RORA: variants seen among roughly 807,000 people sequenced by gnomAD.
The protein encoded by RORA is nuclear receptor ROR-alpha.
Under a neutral mutation model 69.5 loss-of-function variants are expected in RORA, and 7 were observed. That is an observed-to-expected ratio of 0.10 (90% CI 0.06 to 0.19). The LOEUF is 0.19. Among genes scored for constraint, RORA ranks in the 10% least tolerant of loss-of-function variants. The probability of loss-of-function intolerance (pLI) is 1.00; values close to 1 mark genes in which losing one functional copy is unlikely to be tolerated. For synonymous variants in RORA, 261 were observed against 240.8 expected (o/e 1.08, Z -0.78); for missense variants, 457 against 663.0 (o/e 0.69, Z 3.41).
chr15:61,141,439 G>A (rs991342560), intron 1 of RORA, among the ~76,000 whole-genome samples: 2 of 152,148 alleles, frequency 1.3e-5, no homozygotes, highest in Non-Finnish European at 2.9e-5. Flanking sequence ...GAGACACCCA[G>A]AGAGCAAAAG....
At chr15:60,518,233 A>G (rs187379601) in intron 3 of RORA, among the ~76,000 whole-genome samples, 5 of 152,358 alleles carry the variant, frequency 3.3e-5, no homozygotes, top group Admixed American at 1.3e-4. Context: ...TGGTTGGGTC[A>G]TTAATGAAAA....
intron 2 of RORA, among the ~76,000 whole-genome samples, chr15:60,662,200 C>A (rs1596106080): frequency 6.6e-6 from 1 of 152,140 alleles, no homozygotes. Context: ...TATGATGGTT[C>A]CCATCTTTGA....
At chr15:60,979,746 G>GTA (rs1030398734) in intron 1 of RORA, among the ~76,000 whole-genome samples, 4 of 151,960 alleles carry the variant, frequency 2.6e-5, no homozygotes, top group African/African-American at 9.7e-5. Context: ...GTGTGTGTGT[G>GTA]TGCACGTGTG....
chr15:60,732,912 T>C (rs1404985956), intron 1 of RORA, among the ~76,000 whole-genome samples: 2 of 152,142 alleles, frequency 1.3e-5, no homozygotes, highest in Non-Finnish European at 2.9e-5. Flanking sequence ...CCATACCCCA[T>C]CATAGTATTT....
chr15:60,900,676 A>G (rs1388539503), intron 1 of RORA, among the ~76,000 whole-genome samples: 3 of 152,118 alleles, frequency 2.0e-5, no homozygotes, highest in Non-Finnish European at 2.9e-5. Context: ...AATCGAGACC[A>G]TCCTGGCCAA....
intron 1 of RORA, among the ~76,000 whole-genome samples, chr15:61,018,632 G>T (rs1895389800): frequency 6.6e-6 from 1 of 152,086 alleles, no homozygotes; most frequent in African/African-American, 2.4e-5. Flanking sequence ...TATACTGCAT[G>T]CATGTATATA....
At position 60,994,056 on chromosome 15, in the gene RORA, T is replaced by C. The variant is rs1460486157; in HGVS notation, c.166+234997A>G. Among the ~76,000 whole-genome samples the C allele has an allele frequency of 4.6e-5, 7 of 152,354 alleles. No homozygotes were observed. The East Asian group carries it at 1.2e-3, about 25-fold the overall frequency. ...ACTTGGTAAAACTTTGGGTTCATCA[T>C]GAAATGAGTCTGGGCATATTAAAAA... On this transcript the variant is annotated intron_variant, in intron 1 of 10. Transcript: ENST00000335670.
intron 1 of RORA, chr15:60,848,622 C>T (rs2073292315): frequency 6.6e-6 from 1 of 152,606 alleles, no homozygotes; most frequent in East Asian, 1.9e-4. Flanking sequence ...GTTTAATTGG[C>T]TCATGGTTCC....
intron 2 of RORA, among the ~76,000 whole-genome samples, chr15:60,572,223 T>G (rs529010016): frequency 6.6e-6 from 1 of 152,208 alleles, no homozygotes; most frequent in African/African-American, 2.4e-5. Context: ...TGTGGATTCA[T>G]CTGTTGGAGA....
intron 1 of RORA, among the ~76,000 whole-genome samples, chr15:60,830,391 T>C (rs532818204): frequency 3.5e-4 from 54 of 152,230 alleles, no homozygotes; most frequent in Non-Finnish European, 7.2e-4. Context: ...AGATGCAGTT[T>C]TAGATATTGA....
intron 2 of RORA, among the ~76,000 whole-genome samples, chr15:60,635,058 C>A (rs554223201): frequency 6.6e-6 from 1 of 152,316 alleles, no homozygotes; most frequent in South Asian, 2.1e-4. Context: ...CCACGGAGCA[C>A]GGCCTGCCCC....
intron 1 of RORA, among the ~76,000 whole-genome samples, chr15:61,127,946 C>T (rs2079157392): frequency 6.6e-6 from 1 of 152,160 alleles, no homozygotes; most frequent in Non-Finnish European, 1.5e-5. Flanking sequence ...TATGAGGCCA[C>T]ACTGTATGCA....
chr15:60,968,854 T>C (rs1893632417), intron 1 of RORA, among the ~76,000 whole-genome samples: 1 of 152,218 alleles, frequency 6.6e-6, no homozygotes, highest in Non-Finnish European at 1.5e-5. Context: ...GTACCCATCA[T>C]GTTTTTGATA....
intron 1 of RORA, among the ~76,000 whole-genome samples, chr15:60,851,869 C>T (rs1010967849): frequency 1.6e-4 from 24 of 151,906 alleles, no homozygotes; most frequent in African/African-American, 5.3e-4. Context: ...ACTTTTCTTC[C>T]GGATCACTGG....
At chr15:61,076,703 T>G (rs1244210545) in intron 1 of RORA, among the ~76,000 whole-genome samples, 1 of 152,208 alleles carries the variant, frequency 6.6e-6, no homozygotes, top group Non-Finnish European at 1.5e-5. Context: ...CAACTGTATT[T>G]AATCACAATT....
At chr15:61,084,062 G>A (rs1417512103) in intron 1 of RORA, among the ~76,000 whole-genome samples, 1 of 152,142 alleles carries the variant, frequency 6.6e-6, no homozygotes, top group East Asian at 1.9e-4. Context: ...TACAGGTAAC[G>A]TGAAGTGAGA....
chr15:60,803,276 C>T (rs2072612787), intron 1 of RORA, among the ~76,000 whole-genome samples: 1 of 152,188 alleles, frequency 6.6e-6, no homozygotes, highest in African/African-American at 2.4e-5. Context: ...AGCTTCGGCC[C>T]CTTCGGACCA....
At chr15:61,023,147 C>T (rs1406149366) in intron 1 of RORA, among the ~76,000 whole-genome samples, 1 of 133,278 alleles carries the variant, frequency 7.5e-6, no homozygotes, top group African/African-American at 2.8e-5. Flanking sequence ...AAGATCCTGC[C>T]ACTGCACTCC....
At chr15:60,833,077 T>G (rs2073068202) in intron 1 of RORA, among the ~76,000 whole-genome samples, 1 of 150,054 alleles carries the variant, frequency 6.7e-6, no homozygotes, top group East Asian at 2.0e-4. Flanking sequence ...GCTAATTTTT[T>G]GTATTTTTAG....
Sources: allele counts gnomAD v4.1 joint callset (sites outside exome capture counted in the v4.1 genomes callset), GRCh38; gene constraint gnomAD v4.1.1; transcripts MANE v1.5; gene names NCBI Gene and HGNC (gene_info 2026-07-23, HGNC 2026-07-21).